The following WIPF2 variants were observed in gnomAD, a reference collection of about 807,000 sequenced individuals.
WIPF2 encodes WAS/WASL-interacting protein family member 2.
A neutral mutation model predicts 38.8 loss-of-function variants in WIPF2; 23 were observed. That is an observed-to-expected ratio of 0.59 (90% confidence interval 0.43 to 0.84). The LOEUF is 0.84. WIPF2 is among the 40% of genes least tolerant of loss of function. The probability of loss-of-function intolerance (pLI) is 0.00; values close to 1 mark genes in which losing one functional copy is unlikely to be tolerated. For synonymous variants in WIPF2, 210 were observed against 223.2 expected (o/e 0.94, Z 0.53); for missense variants, 574 against 580.5 (o/e 0.99, Z 0.11).
chr17:40,273,221 G>A (rs1681811927), intron 5 of WIPF2, among the ~76,000 whole-genome samples: 1 of 152,106 alleles, frequency 6.6e-6, no homozygotes, highest in African/African-American at 2.4e-5. Context: ...TTTTAGTAGA[G>A]ATGGAGTTTC....
At position 40,277,541 on chromosome 17, in the gene WIPF2, C is replaced by T. The variant is rs561866219; in HGVS notation, c.1282+357C>T. ...CTAAAAATACAAAAGATTAGCTGGG[C>T]GTGGTGGCACACACCTGTAGTCCCA... is the stretch of plus-strand genomic sequence containing the variant. On this transcript the variant is annotated intron_variant, in intron 7 of 7. Transcript: ENST00000323571. Among the ~76,000 whole-genome samples the T allele has an allele frequency of 2.8e-4, 43 of 152,110 alleles. 1 individual carries two copies. Among genetic ancestry groups the T allele is most frequent in the Non-Finnish European group, 4.4e-4 (30 of 67,976 alleles).
In WIPF2 at chr17:40,277,191, AT is replaced by A; in HGVS notation, c.1282+8del. 1 of 1,589,766 alleles carries A rather than the reference AT, an allele frequency of 6.3e-7. No homozygotes were observed. Among genetic ancestry groups the A allele is most frequent in the Non-Finnish European group, 8.6e-7 (1 of 1,164,806 alleles). On this transcript the variant is annotated splice_region_variant and intron_variant, in intron 7 of 7. Transcript: ENST00000323571. The stretch of plus-strand genomic sequence containing the variant: ...CCCAGCAAAACAAACCGAGGTGAGA[AT>A]AATAATAAGAAGGTTTTTCCATAAT...
intron 5 of WIPF2, among the ~76,000 whole-genome samples, chr17:40,269,101 C>T (rs1019587312): frequency 1.3e-5 from 2 of 151,910 alleles, no homozygotes; most frequent in Non-Finnish European, 2.9e-5. Flanking sequence ...GGCAGATCAC[C>T]TGAGGTCAGG....
Position 40,219,322 on chromosome 17 carries a change from G to C in WIPF2, c.-240G>C. ...CGCCTCCATTTTGTTCGCGGACGCTGGGGACGGTGGGAGCAGATCCATTTC... is the reference window on the plus strand; with the variant it reads ...CGCCTCCATTTTGTTCGCGGACGCTCGGGACGGTGGGAGCAGATCCATTTC... On this transcript the variant is annotated 5_prime_UTR_variant, in exon 1 of 8. Transcript: ENST00000323571. 2 of 315,452 alleles carry C rather than the reference G, an allele frequency of 6.3e-6. No individual in the cohort carries two copies. The highest frequency in any genetic ancestry group is 1.2e-5 in the Non-Finnish European group (2 of 164,902). 19.5% of individuals were successfully genotyped at this position (315,452 alleles called of 1,614,324 possible). A position where few individuals can be genotyped will look rare whatever the true frequency, so the allele number is the denominator to read the frequency against.
chr17:40,226,235 G>A (rs937402333), intron 1 of WIPF2, among the ~76,000 whole-genome samples: 1 of 144,132 alleles, frequency 6.9e-6, no homozygotes, highest in Non-Finnish European at 1.5e-5. Flanking sequence ...ATGGAGTCTC[G>A]TTCTGTCGGC....
chr17:40,266,782 G>T (rs1320144227), intron 5 of WIPF2, among the ~76,000 whole-genome samples: 1 of 151,964 alleles, frequency 6.6e-6, no homozygotes, highest in Non-Finnish European at 1.5e-5. Flanking sequence ...GGAACAGATT[G>T]CCTGAATAAT....
At chr17:40,224,458 AGGATGTCTT>A (rs1483401088) in intron 1 of WIPF2, among the ~76,000 whole-genome samples, 1 of 131,862 alleles carries the variant, frequency 7.6e-6, no homozygotes, top group African/African-American at 3.0e-5. Flanking sequence ...CTTGTTAGCG[AGGATGTCTT>A]GATCTCCTGA....
intron 1 of WIPF2, among the ~76,000 whole-genome samples, chr17:40,250,655 G>T (rs11651042): frequency 2.0e-5 from 3 of 152,166 alleles, no homozygotes; most frequent in African/African-American, 7.2e-5. Flanking sequence ...GGTCTCTGAA[G>T]AGCACAGATG....
chr17:40,278,105 C>G, intron 7 of WIPF2, 80 bp from the exon 8 acceptor site: 1 of 1,491,102 alleles, frequency 6.7e-7, no homozygotes. Flanking sequence ...GAGCCTGTCT[C>G]TCATTTTAGG....
intron 1 of WIPF2, among the ~76,000 whole-genome samples, chr17:40,227,624 G>A (rs952937763): frequency 2.6e-5 from 4 of 151,766 alleles, no homozygotes; most frequent in South Asian, 2.1e-4. Flanking sequence ...AGGCTGAGGC[G>A]GGCGGATCAC....
At chr17:40,225,773 C>G (rs2030455866) in intron 1 of WIPF2, among the ~76,000 whole-genome samples, 1 of 152,122 alleles carries the variant, frequency 6.6e-6, no homozygotes, top group Non-Finnish European at 1.5e-5. Context: ...CTTCCCACTT[C>G]AGCCTCCTGT....
At chr17:40,274,406 T>C (rs949095274) in intron 6 of WIPF2, among the ~76,000 whole-genome samples, 3 of 151,826 alleles carry the variant, frequency 2.0e-5, no homozygotes, top group South Asian at 2.1e-4. Context: ...CTTGGAATTA[T>C]TATTTTTTAA....
chr17:40,240,253 C>T (rs1444025062), intron 1 of WIPF2, among the ~76,000 whole-genome samples: 3 of 151,280 alleles, frequency 2.0e-5, no homozygotes, highest in Non-Finnish European at 4.4e-5. Flanking sequence ...TTAGTAGAGA[C>T]GGGGTTTCAC....
In WIPF2 at chr17:40,282,895, A is replaced by C. The variant is rs1187590871; in HGVS notation, c.*4670A>C. 6.6e-6 allele frequency: 1 copy of C among 152,116 alleles called. No homozygotes were observed. The highest frequency in any genetic ancestry group is 2.4e-5 in the African/African-American group (1 of 41,404). 9.4% of individuals were successfully genotyped at this position (152,116 alleles called of 1,614,324 possible). A position where few individuals can be genotyped will look rare whatever the true frequency, so the allele number is the denominator to read the frequency against. On this transcript the variant is annotated 3_prime_UTR_variant, in exon 8 of 8. Transcript: ENST00000323571. The stretch of plus-strand genomic sequence containing the variant: ...TCTCCAGCTGTATTTTGAAAATTAC[A>C]GTTCTAGTTGGCTGGGCGCGATGGC...
intron 3 of WIPF2, among the ~76,000 whole-genome samples, 175 bp from the exon 4 acceptor site, chr17:40,262,350 T>G (rs2031940212): frequency 6.6e-6 from 1 of 152,126 alleles, no homozygotes. Context: ...CCCAAAATGC[T>G]GGGATTAGCA....
intron 4 of WIPF2, 100 bp from the exon 5 acceptor site, chr17:40,264,390 C>T (rs2032011673): frequency 1.1e-6 from 1 of 895,130 alleles, no homozygotes; most frequent in East Asian, 2.6e-5. Flanking sequence ...AATTCCTTTC[C>T]CTGCTGCCAT....
chr17:40,274,353 A>T (rs2032326986), intron 6 of WIPF2, among the ~76,000 whole-genome samples: 1 of 152,074 alleles, frequency 6.6e-6, no homozygotes, highest in Admixed American at 6.6e-5. Context: ...CCTAGGAAGG[A>T]GTGTTCCTTT....
intron 1 of WIPF2, among the ~76,000 whole-genome samples, chr17:40,251,030 C>G (rs922029538): frequency 6.6e-6 from 1 of 150,898 alleles, no homozygotes; most frequent in Non-Finnish European, 1.5e-5. Flanking sequence ...TCTCCTGCCT[C>G]AGCCTCCCGA....
At position 40,264,942 on chromosome 17, in the gene WIPF2, C is replaced by A; in HGVS notation, c.766C>A (p.Arg256Ser). Residue 256 changes from arginine (R) to serine (S), a missense_variant, in exon 5 of 8, where the codon CGC (arginine) becomes AGC (serine). Physicochemically the swap from Arg to Ser is moderately radical, Grantham distance 110 (BLOSUM62 -1). Transcript: ENST00000323571. ...TCTGGCTCCTCCTCCTCCGCCTTAC[C>A]GCCAGCCTCCTGGGGTCCCCAATGG... ...QSLAPPPPPY[R>S]QPPGVPNGPS... 1 of 1,614,210 alleles carries A rather than the reference C, an allele frequency of 6.2e-7. No individual in the cohort carries two copies. The highest frequency in any genetic ancestry group is 8.5e-7 in the Non-Finnish European group (1 of 1,180,032).
Sources: allele counts gnomAD v4.1 joint callset (sites outside exome capture counted in the v4.1 genomes callset), GRCh38; gene constraint gnomAD v4.1.1; transcripts MANE v1.5; gene names NCBI Gene and HGNC (gene_info 2026-07-23, HGNC 2026-07-21).